CLEC5A: variants seen among roughly 807,000 people sequenced by gnomAD.
CLEC5A encodes C-type lectin domain containing 5A, also known as C-type lectin domain family 5 member A.
A neutral mutation model predicts 24.4 loss-of-function variants in CLEC5A; 15 were observed. The observed-to-expected ratio is 0.62, with a 90% CI of 0.41 to 0.95. The LOEUF (loss-of-function observed/expected upper bound fraction) is 0.95. CLEC5A is among the 40% of genes least tolerant of loss of function. The probability of loss-of-function intolerance (pLI) is 0.00; values close to 1 mark genes in which losing one functional copy is unlikely to be tolerated. For synonymous variants in CLEC5A, 71 were observed against 72.6 expected (o/e 0.98, Z 0.11); for missense variants, 211 against 224.0 (o/e 0.94, Z 0.37).
chr7:141,930,267 C>T (rs1014041707), intron 6 of CLEC5A, 49 bp from the exon 7 acceptor site: 5 of 1,382,562 alleles, frequency 3.6e-6, no homozygotes, highest in African/African-American at 1.4e-5. Flanking sequence ...AAAAACAAAG[C>T]ATGGTGATGG....
chr7:141,941,332 G>C (rs60427251), intron 4 of CLEC5A, among the ~76,000 whole-genome samples: 2 of 152,014 alleles, frequency 1.3e-5, no homozygotes, highest in Admixed American at 1.3e-4. Context: ...AAAACCATAC[G>C]ATCATTTCAA....
In CLEC5A at chr7:141,930,026, TA is replaced by T; in HGVS notation, c.*77del. ...CGCTACTGGTAGACAGATAGGTAAGTAAAAGAATCATTGGCCAGACGACCTG... is the reference window on the plus strand; with the variant it reads ...CGCTACTGGTAGACAGATAGGTAAGTAAAGAATCATTGGCCAGACGACCTG... On this transcript the variant is annotated 3_prime_UTR_variant, in exon 7 of 7. Transcript: ENST00000546910. The T allele has an allele frequency of 8.8e-7, 1 of 1,142,298 alleles. No homozygotes were observed. Among genetic ancestry groups the T allele is most frequent in the Non-Finnish European group, 1.3e-6 (1 of 778,842 alleles). 70.8% of individuals were successfully genotyped at this position (1,142,298 alleles called of 1,614,324 possible). A position where few individuals can be genotyped will look rare whatever the true frequency, so the allele number is the denominator to read the frequency against.
chr7:141,936,032 A>G (rs558948155), intron 4 of CLEC5A, 82 bp from the exon 5 acceptor site: 9 of 1,182,982 alleles, frequency 7.6e-6, no homozygotes, highest in East Asian at 2.3e-5. Flanking sequence ...ACAGTGATAC[A>G]TATTTTTGCT....
chr7:141,936,076 T>C (rs1198886422), intron 4 of CLEC5A, 126 bp from the exon 5 acceptor site: 3 of 791,574 alleles, frequency 3.8e-6, no homozygotes, highest in Non-Finnish European at 6.2e-6. Context: ...AAAATTATTC[T>C]CCATCCAGGA....
intron 4 of CLEC5A, among the ~76,000 whole-genome samples, chr7:141,938,009 C>T (rs1554441291): frequency 1.3e-5 from 2 of 152,118 alleles, no homozygotes; most frequent in African/African-American, 4.8e-5. Context: ...TAGGTCACAG[C>T]ACCCAAGTCC....
intron 4 of CLEC5A, among the ~76,000 whole-genome samples, chr7:141,938,778 A>G (rs543651273): frequency 6.6e-6 from 1 of 152,250 alleles, no homozygotes; most frequent in East Asian, 1.9e-4. Context: ...GAGCTCCAAT[A>G]TGTCTGGTAG....
intron 4 of CLEC5A, among the ~76,000 whole-genome samples, chr7:141,936,534 C>G (rs1802634521): frequency 2.0e-5 from 3 of 152,146 alleles, no homozygotes; most frequent in South Asian, 2.1e-4. Flanking sequence ...GGGGAATAAC[C>G]CATCCCAGTG....
intron 6 of CLEC5A, 168 bp downstream of exon 6, chr7:141,931,552 A>T: frequency 1.9e-6 from 1 of 540,476 alleles, no homozygotes; most frequent in South Asian, 2.6e-5. Flanking sequence ...TCATAAGAAA[A>T]CATTTATTAA....
Position 141,927,653 on chromosome 7 carries a change from A to T in CLEC5A, c.*2451T>A, listed in dbSNP as rs1802338099. The T allele has an allele frequency of 6.6e-6, 1 of 152,274 alleles. No individual in the cohort carries two copies. Among genetic ancestry groups the T allele is most frequent in the Admixed American group, 6.5e-5 (1 of 15,286 alleles). 9.4% of individuals were successfully genotyped at this position (152,274 alleles called of 1,614,324 possible). A position where few individuals can be genotyped will look rare whatever the true frequency, so the allele number is the denominator to read the frequency against. ...CTAGGCTGGGCCCACATTTGAGGTCATGAAAAGTGTGTCTTTGATCTCATG... is the reference window on the plus strand; with the variant it reads ...CTAGGCTGGGCCCACATTTGAGGTCTTGAAAAGTGTGTCTTTGATCTCATG... On this transcript the variant is annotated 3_prime_UTR_variant, in exon 7 of 7. Transcript: ENST00000546910.
rs1554442150 is a variant in CLEC5A at position 141,946,368 on chromosome 7, T to C, written c.-20-56A>G. 2.0e-6 allele frequency: 3 copies of C among 1,466,174 alleles called. No homozygotes were observed. The African/African-American group carries it at 4.2e-5, about 21-fold the overall frequency. The allele number at this position is 1,466,174 out of a possible 1,614,324, so 90.8% of individuals were successfully genotyped here. ...ATTCGGGTACAAGGCTGCTTTTCAC[T>C]AGGACATATCCCAGCCTCTCGCTCA... On this transcript the variant is annotated intron_variant, in intron 1 of 6. Coordinates refer to ENST00000546910, the MANE Select transcript of CLEC5A (RefSeq NM_013252.3).
At chr7:141,930,799 C>T (rs371042993) in intron 6 of CLEC5A, among the ~76,000 whole-genome samples, 1 of 152,200 alleles carries the variant, frequency 6.6e-6, no homozygotes, top group Non-Finnish European at 1.5e-5. Context: ...CTAAGCTTTA[C>T]TTGTCCTCAG....
Position 141,930,089 on chromosome 7 carries a change from C to G in CLEC5A, c.*15G>C. ...AAAGAGTTGCAAGTATAGTTCTTGT[C>G]ACAGGGAACTGTGATCATTTGGCAT... On this transcript the variant is annotated 3_prime_UTR_variant, in exon 7 of 7. Transcript: ENST00000546910. 6.3e-7 allele frequency: 1 copy of G among 1,595,964 alleles called. No individual in the cohort carries two copies. Among genetic ancestry groups the G allele is most frequent in the Non-Finnish European group, 8.6e-7 (1 of 1,164,270 alleles).
At chr7:141,942,635 G>A (rs570782225) in intron 4 of CLEC5A, among the ~76,000 whole-genome samples, 1 of 151,936 alleles carries the variant, frequency 6.6e-6, no homozygotes, top group East Asian at 1.9e-4. Context: ...AAAGTGAAGA[G>A]ACAATCCACA....
chr7:141,930,382 C>T (rs1185273979), intron 6 of CLEC5A, among the ~76,000 whole-genome samples, 164 bp from the exon 7 acceptor site: 6 of 152,192 alleles, frequency 3.9e-5, no homozygotes, highest in African/African-American at 1.4e-4. Flanking sequence ...TCTCCATCTG[C>T]GTAGCCTCCT....
intron 5 of CLEC5A, among the ~76,000 whole-genome samples, chr7:141,935,503 C>G (rs1554440952): frequency 6.6e-6 from 1 of 152,208 alleles, no homozygotes; most frequent in Non-Finnish European, 1.5e-5. Flanking sequence ...CACATCATCT[C>G]ATTTGGTCAT....
chr7:141,935,810 T>A lies in CLEC5A; in HGVS notation c.345+4A>T. On this transcript the variant is annotated splice_donor_region_variant and intron_variant, in intron 5 of 6. Coordinates refer to ENST00000546910, the MANE Select transcript of CLEC5A (RefSeq NM_013252.3). ...GCTTTACTGTACCATTCCAGTGTTC[T>A]CACCAGTTTCTCTGGCGTGTTGACA... 1 of 1,614,016 alleles carries A rather than the reference T, an allele frequency of 6.2e-7. No homozygotes were observed. The highest frequency in any genetic ancestry group is 1.1e-5 in the South Asian group (1 of 91,082).
intron 3 of CLEC5A, 48 bp downstream of exon 3, chr7:141,945,293 T>C: frequency 7.5e-7 from 1 of 1,327,020 alleles, no homozygotes; most frequent in Non-Finnish European, 1.1e-6. Flanking sequence ...GAATTCAGCA[T>C]AGAAGTAGCA....
chr7:141,941,698 AG>A (rs1802800514), intron 4 of CLEC5A, among the ~76,000 whole-genome samples: 1 of 152,082 alleles, frequency 6.6e-6, no homozygotes, highest in African/African-American at 2.4e-5. Flanking sequence ...TCCACCAAAA[AG>A]CTATTAGAAC....
At chr7:141,945,054 ATCTC>A (rs1802912815) in intron 3 of CLEC5A, among the ~76,000 whole-genome samples, 1 of 152,168 alleles carries the variant, frequency 6.6e-6, no homozygotes, top group Admixed American at 6.6e-5. Flanking sequence ...TGCCCCACTC[ATCTC>A]TCTATCTCCC....
Sources: gnomAD v4.1 joint callset for allele counts (sites outside exome capture counted in the v4.1 genomes callset) on GRCh38, gnomAD v4.1.1 for gene constraint, MANE v1.5 for transcripts, NCBI Gene and HGNC (gene_info 2026-07-23, HGNC 2026-07-21) for gene names.